Variants in KCNH2 observed in about 807,000 individuals in gnomAD.
KCNH2 encodes the protein voltage-gated inwardly rectifying potassium channel KCNH2.
KCNH2 carries 35 observed loss-of-function variants against 95.9 expected under a neutral mutation model. The ratio of observed to expected loss-of-function variants is 0.37; its 90% CI spans 0.28 to 0.48. KCNH2 has a LOEUF of 0.48. Among genes scored for constraint, KCNH2 ranks in the 20% least tolerant of loss-of-function variants. KCNH2 has a pLI of 0.99. For missense variants in KCNH2, 1,274 were observed against 1,702.9 expected, an observed-to-expected ratio of 0.75 and a Z score of 4.43; for synonymous variants, 786 against 754.7, an observed-to-expected ratio of 1.04 and a Z score of -0.68.
chr7:150,962,446 C>T lies in KCNH2; in HGVS notation c.308-2710G>A, dbSNP rs147367794. ...CCCAGAAATTCCAACCTTGAGACCT[C>T]AGCAGCCCGTCCCCTCTTCAGCTCA... On this transcript the variant is annotated intron_variant, in intron 2 of 14. Transcript: ENST00000262186. This position sits in a 1 kb window ranked among gnomAD's most constrained non-coding sequence, Gnocchi z 5.7. Among the ~76,000 whole-genome samples the T allele has an allele frequency of 5.3e-4, 80 of 152,292 alleles. No homozygotes were observed. Among genetic ancestry groups the T allele is most frequent in the African/African-American group, 1.7e-3 (69 of 41,552 alleles).
Position 150,958,283 on chromosome 7 carries a change from C to A in KCNH2, c.692G>T (p.Arg231Leu). 4 of 1,460,336 alleles carry A rather than the reference C, an allele frequency of 2.7e-6. No homozygotes were observed. The highest frequency in any genetic ancestry group is 3.6e-6 in the Non-Finnish European group (4 of 1,110,344). The allele number at this position is 1,460,336 out of a possible 1,614,324, so 90.5% of individuals were successfully genotyped here. The change falls in exon 4 of 15, where the codon CGG becomes CTG. Residue 231 changes from arginine to leucine, a missense_variant. Physicochemically the swap from Arg to Leu is moderately radical, Grantham distance 102. Coordinates refer to ENST00000262186, the MANE Select transcript of KCNH2 (RefSeq NM_000238.4). ...AGAGCCGGGACCCACCAGCGCACGC[C>A]GCTCCTCCGCGGGCCCGAGCCCTGC... The part of the protein sequence containing the change: ...HVAGLGPAEE[R>L]RALVGPGSPP...
At chr7:150,958,550 G>A (rs1318128696) in intron 3 of KCNH2, 48 bp from the exon 4 acceptor site, 5 of 1,448,130 alleles carry the variant, frequency 3.5e-6, no homozygotes, top group Non-Finnish European at 3.6e-6. Flanking sequence ...GAGCAGCCCC[G>A]GAGCGGGCAA....
At position 150,946,896 on chromosome 7, in the gene KCNH2, G is replaced by A. The variant is rs780113151; in HGVS notation, c.3311C>T (p.Thr1104Ile). 1 of 1,598,932 alleles carries A rather than the reference G, an allele frequency of 6.3e-7. No individual in the cohort carries two copies. Among genetic ancestry groups the A allele is most frequent in the Non-Finnish European group, 8.5e-7 (1 of 1,169,992 alleles). The change falls in exon 14 of 15, where the codon ACC becomes ATC. Residue 1104 changes from threonine to isoleucine, a missense_variant. Thr to Ile is a moderately conservative substitution (Grantham distance 89). Transcript: ENST00000262186. This position sits in a 1 kb window ranked among gnomAD's most constrained non-coding sequence, Gnocchi z 6.5. ...LLPVSPLPTL[T>I]LDSLSQVSQF... is the part of the protein sequence containing the mutation. Reference sequence around the variant, plus strand: ...GCTTACCTGAGAAAGCGAGTCCAAGGTGAGGGTGGGGAGGGGGCTGACGGG... The same window carrying A: ...GCTTACCTGAGAAAGCGAGTCCAAGATGAGGGTGGGGAGGGGGCTGACGGG...
At chr7:150,964,350 C>G (rs941437523) in intron 2 of KCNH2, among the ~76,000 whole-genome samples, 4 of 152,166 alleles carry the variant, frequency 2.6e-5, no homozygotes, top group Non-Finnish European at 4.4e-5. Context: ...TGGCACCTGC[C>G]CCCAGTGAAC....
chr7:150,959,403 C>T (rs1458661906), intron 3 of KCNH2, among the ~76,000 whole-genome samples, 169 bp downstream of exon 3: 1 of 152,202 alleles, frequency 6.6e-6, no homozygotes, highest in Non-Finnish European at 1.5e-5. Flanking sequence ...GCCAGGGGAA[C>T]CAAGCCACAT....
In KCNH2 at chr7:150,951,761, C is replaced by T. The variant is rs752253750; in HGVS notation, c.1632G>A (p.Glu544=). 6.8e-6 allele frequency: 11 copies of T among 1,606,078 alleles called. No homozygotes were observed. Among genetic ancestry groups the T allele is most frequent in the Non-Finnish European group, 9.4e-6 (11 of 1,173,584 alleles). Residue 544 remains glutamate, a synonymous_variant, in exon 7 of 15, where the codon GAG becomes GAA. Transcript: ENST00000262186. The part of the protein sequence containing the change: ...RVARKLDRYS[E]YGAAVLFLLM... ...GCAAGAACAGCACGGCCGCGCCGTA[C>T]TCTGAGTAGCGATCCAGCTTCCGCG...
At position 150,947,708 on chromosome 7, in the gene KCNH2, G is replaced by A. The variant is rs199473012; in HGVS notation, c.2863C>T (p.Leu955=). 1.3e-6 allele frequency: 2 copies of A among 1,585,518 alleles called. No individual in the cohort carries two copies. Among genetic ancestry groups the A allele is most frequent in the Non-Finnish European group, 1.7e-6 (2 of 1,167,724 alleles). ...GGCCTGGGGCTGGAGAAGGGCACCA[G>A]GCGGAGGGGGCTGGAGCTGCGGCCT... is the stretch of plus-strand genomic sequence containing the variant. ...GPGRSSSPLR[L]VPFSSPRPPG... Residue 955 remains leucine (L), a synonymous_variant, in exon 12 of 15, where the codon CTG becomes TTG. Coordinates refer to ENST00000262186, the MANE Select transcript of KCNH2 (RefSeq NM_000238.4).
intron 5 of KCNH2, chr7:150,955,884 G>A (rs991144068): frequency 6.4e-5 from 54 of 850,370 alleles, no homozygotes; most frequent in African/African-American, 1.0e-4. Context: ...CCCCCGCCCC[G>A]CCGGTGCCCA....
Position 150,945,755 on chromosome 7 carries a change from C to A in KCNH2, c.3331-241G>T, listed in dbSNP as rs1046572430. ...AAAGGCATTCTCTGAGAGCAGGAGC[C>A]AAACAAGAGAGCTGGGAGCAGGGAA... On this transcript the variant is annotated intron_variant, in intron 14 of 14. Coordinates refer to ENST00000262186, the MANE Select transcript of KCNH2 (RefSeq NM_000238.4). The surrounding 1 kb of genome is among the most constrained non-coding windows in gnomAD (Gnocchi z 5.6). Among the ~76,000 whole-genome samples, 1 of 152,124 alleles carries A rather than the reference C, an allele frequency of 6.6e-6. No individual in the cohort carries two copies. Among genetic ancestry groups the A allele is most frequent in the African/African-American group, 2.4e-5 (1 of 41,426 alleles).
chr7:150,960,364 G>A (rs897580190), intron 2 of KCNH2, among the ~76,000 whole-genome samples: 1 of 152,202 alleles, frequency 6.6e-6, no homozygotes, highest in African/African-American at 2.4e-5. Flanking sequence ...TACACATAAT[G>A]TATATAATTC....
chr7:150,949,072 G>A (rs1357555738), intron 9 of KCNH2, 23 bp from the exon 10 acceptor site: 2 of 1,609,808 alleles, frequency 1.2e-6, no homozygotes, highest in East Asian at 2.2e-5. Context: ...GAGAGGACAG[G>A]GAGCTCAGCC....
rs794728345 is a variant in KCNH2 at position 150,950,015 on chromosome 7, T to C, written c.2398+153A>G. The C allele has an allele frequency of 6.3e-7, 1 of 1,577,246 alleles. No individual in the cohort carries two copies. The highest frequency in any genetic ancestry group is 8.6e-7 in the Non-Finnish European group (1 of 1,162,312). ...GTGGGGCTCCTCTCCATGGCCCCGC[T>C]TGGAGGGCCTGAGTTTAGGTGAATT... On this transcript the variant is annotated intron_variant, in intron 9 of 14. Coordinates refer to ENST00000262186, the MANE Select transcript of KCNH2 (RefSeq NM_000238.4).
At chr7:150,974,627 A>G (rs1031148747) in intron 2 of KCNH2, 84 bp downstream of exon 2, 1 of 346,196 alleles carries the variant, frequency 2.9e-6, no homozygotes. Flanking sequence ...ACACCCCCAC[A>G]CCCCCACGCA....
chr7:150,976,698 A>C lies in KCNH2; in HGVS notation c.76+1140T>G, dbSNP rs867652328. 1.1e-4 allele frequency among the ~76,000 whole-genome samples: 17 copies of C among 152,060 alleles called. No homozygotes were observed. The Middle Eastern group carries it at 0.014, about 123-fold the overall frequency. On this transcript the variant is annotated intron_variant, in intron 1 of 14. Transcript: ENST00000262186. ...GAAGAGTCACTCAAGGTCACATGGCAGTCAGTGGCAAAGGTAGGGCTAGAA... is the reference window on the plus strand; with the variant it reads ...GAAGAGTCACTCAAGGTCACATGGCCGTCAGTGGCAAAGGTAGGGCTAGAA...
At chr7:150,956,127 C>T (rs980294929) in intron 5 of KCNH2, among the ~76,000 whole-genome samples, 1 of 152,094 alleles carries the variant, frequency 6.6e-6, no homozygotes. Flanking sequence ...CACATACAGG[C>T]GCACATGCAC....
chr7:150,972,125 C>T (rs569740162), intron 2 of KCNH2, among the ~76,000 whole-genome samples: 1 of 152,366 alleles, frequency 6.6e-6, no homozygotes, highest in South Asian at 2.1e-4. Flanking sequence ...GCCTCCCCAC[C>T]TCCCAGCAGT....
In KCNH2 at chr7:150,962,392, T is replaced by A. The variant is rs1403993812; in HGVS notation, c.308-2656A>T. Among the ~76,000 whole-genome samples, 5 of 152,212 alleles carry A rather than the reference T, an allele frequency of 3.3e-5. No homozygotes were observed. The East Asian group carries it at 9.7e-4, about 29-fold the overall frequency. On this transcript the variant is annotated intron_variant, in intron 2 of 14. Transcript: ENST00000262186. This position sits in a 1 kb window ranked among gnomAD's most constrained non-coding sequence, Gnocchi z 5.7. ...GCCAAGATGGACTCAAACTTCAGAA[T>A]GGGCTGGAGACTGTCCCCAACACAG...
chr7:150,971,922 G>A (rs1313348338), intron 2 of KCNH2, among the ~76,000 whole-genome samples: 5 of 152,078 alleles, frequency 3.3e-5, no homozygotes, highest in Non-Finnish European at 5.9e-5. Flanking sequence ...GAGCACAGGT[G>A]TGGACCCAGC....
At chr7:150,951,968 G>T (rs2116965889) in intron 6 of KCNH2, 133 bp from the exon 7 acceptor site, 1 of 814,180 alleles carries the variant, frequency 1.2e-6, no homozygotes, top group African/African-American at 1.7e-5. Context: ...CTCCTAAGAG[G>T]TGAAGCCCAC....
Sources: allele counts gnomAD v4.1 joint callset (sites outside exome capture counted in the v4.1 genomes callset), GRCh38; gene constraint gnomAD v4.1.1; non-coding constraint Gnocchi (gnomAD v3.1); transcripts MANE v1.5; gene names NCBI Gene and HGNC (gene_info 2026-07-23, HGNC 2026-07-21).